Variants in GABPB1 observed in about 807,000 individuals in gnomAD.
GABPB1 encodes the protein GA binding protein transcription factor subunit beta 1.
Under a neutral mutation model 45.9 loss-of-function variants are expected in GABPB1, and 15 were observed. The ratio of observed to expected loss-of-function variants is 0.33; its 90% CI spans 0.22 to 0.50. The LOEUF is 0.50. Ranked by LOEUF, GABPB1 falls within the 20% of genes least tolerant of loss-of-function variation. The pLI is 0.98. For synonymous variants in GABPB1, 143 were observed against 154.4 expected, an observed-to-expected ratio of 0.93 and a Z score of 0.55; for missense variants, 252 against 457.5, an observed-to-expected ratio of 0.55 and a Z score of 4.10.
chr15:50,346,922 T>TG (rs2048610591), intron 1 of GABPB1, among the ~76,000 whole-genome samples: 1 of 151,688 alleles, frequency 6.6e-6, no homozygotes, highest in African/African-American at 2.4e-5. Flanking sequence ...CCTGAGTAGC[T>TG]GGGATTACAG....
At chr15:50,321,066 C>A (rs867890544) in intron 1 of GABPB1, among the ~76,000 whole-genome samples, 2 of 152,026 alleles carry the variant, frequency 1.3e-5, no homozygotes, top group African/African-American at 4.8e-5. Context: ...AATTATTACA[C>A]GATAGGAATA....
Position 50,275,556 on chromosome 15 carries a change from T to C in GABPB1, c.*3076A>G, listed in dbSNP as rs1292097455. 6.6e-6 allele frequency: 1 copy of C among 152,206 alleles called. No individual in the cohort carries two copies. The highest frequency in any genetic ancestry group is 1.5e-5 in the Non-Finnish European group (1 of 68,028). The allele number at this position is 152,206 out of a possible 1,614,324, so 9.4% of individuals were successfully genotyped here. ...CAAACAATCATAAATCAAAGCATCA[T>C]AAATTGGGGACCATCTGTGTAGCTT... On this transcript the variant is annotated 3_prime_UTR_variant, in exon 9 of 9. Transcript: ENST00000380877.
intron 1 of GABPB1, among the ~76,000 whole-genome samples, chr15:50,315,111 G>T (rs2047270584): frequency 6.6e-6 from 1 of 152,054 alleles, no homozygotes; most frequent in Admixed American, 6.6e-5. Flanking sequence ...AAATTATGCA[G>T]ATCAGTAACA....
chr15:50,286,363 GC>G (rs998469933), intron 7 of GABPB1, among the ~76,000 whole-genome samples, 180 bp from the exon 8 acceptor site: 6 of 151,174 alleles, frequency 4.0e-5, no homozygotes, highest in African/African-American at 1.5e-4. Flanking sequence ...TTACCTTCTT[GC>G]TTTTTTACTG....
intron 1 of GABPB1, among the ~76,000 whole-genome samples, chr15:50,314,875 C>T (rs2047261030): frequency 6.6e-6 from 1 of 152,198 alleles, no homozygotes; most frequent in South Asian, 2.1e-4. Context: ...TTTTGGAAAT[C>T]ATGTCAATGC....
chr15:50,285,194 T>C (rs1346252910), intron 8 of GABPB1, among the ~76,000 whole-genome samples: 2 of 152,166 alleles, frequency 1.3e-5, no homozygotes, highest in Non-Finnish European at 2.9e-5. Context: ...GATATAAATA[T>C]TGTATGACTA....
At chr15:50,310,255 G>C (rs1456012879) in intron 1 of GABPB1, among the ~76,000 whole-genome samples, 2 of 152,108 alleles carry the variant, frequency 1.3e-5, no homozygotes, top group African/African-American at 2.4e-5. Flanking sequence ...ACCACACCCA[G>C]CTAATTTTTC....
chr15:50,329,400 CTA>C (rs1367711799), intron 1 of GABPB1, among the ~76,000 whole-genome samples: 1 of 152,138 alleles, frequency 6.6e-6, no homozygotes, highest in Non-Finnish European at 1.5e-5. Context: ...ACTTGTATCT[CTA>C]TTGATTCGTA....
intron 6 of GABPB1, among the ~76,000 whole-genome samples, chr15:50,296,890 A>C (rs1399733272): frequency 6.6e-6 from 1 of 151,052 alleles, no homozygotes; most frequent in Non-Finnish European, 1.5e-5. Context: ...AACATACTTA[A>C]ACTTTAACTT....
At chr15:50,336,080 G>A (rs926131420) in intron 1 of GABPB1, among the ~76,000 whole-genome samples, 1 of 151,900 alleles carries the variant, frequency 6.6e-6, no homozygotes, top group Non-Finnish European at 1.5e-5. Context: ...GCTTGGCATG[G>A]TGGCTCACGC....
chr15:50,316,865 G>A (rs2047349307), intron 1 of GABPB1, among the ~76,000 whole-genome samples: 1 of 151,884 alleles, frequency 6.6e-6, no homozygotes, highest in Non-Finnish European at 1.5e-5. Context: ...CTCCCACATA[G>A]CCATTTAGTT....
intron 8 of GABPB1, among the ~76,000 whole-genome samples, chr15:50,284,850 T>A (rs1312376624): frequency 6.6e-6 from 1 of 151,998 alleles, no homozygotes; most frequent in Non-Finnish European, 1.5e-5. Context: ...AATGGAAAAA[T>A]TGTTAGTTTG....
chr15:50,340,516 A>AT (rs2048314148), intron 1 of GABPB1, among the ~76,000 whole-genome samples: 1 of 144,214 alleles, frequency 6.9e-6, no homozygotes, highest in South Asian at 2.2e-4. Context: ...TACTAGTTTC[A>AT]TGAGTATCCT....
At chr15:50,286,540 TA>T (rs2046162559) in intron 7 of GABPB1, among the ~76,000 whole-genome samples, 1 of 152,184 alleles carries the variant, frequency 6.6e-6, no homozygotes, top group Admixed American at 6.5e-5. Flanking sequence ...ATTATCCTTA[TA>T]TTAATTTGTT....
chr15:50,329,015 G>A (rs2047865321), intron 1 of GABPB1, among the ~76,000 whole-genome samples: 2 of 152,050 alleles, frequency 1.3e-5, no homozygotes, highest in South Asian at 2.1e-4. Context: ...TTCTTCTGAT[G>A]TTCAAATTGT....
At chr15:50,327,872 C>G (rs1429646926) in intron 1 of GABPB1, among the ~76,000 whole-genome samples, 3 of 151,910 alleles carry the variant, frequency 2.0e-5, no homozygotes, top group Non-Finnish European at 4.4e-5. Flanking sequence ...ATACTCCAGT[C>G]TGGCAACAGA....
At chr15:50,303,742 C>T (rs2056762264) in intron 3 of GABPB1, among the ~76,000 whole-genome samples, 4 of 150,988 alleles carry the variant, frequency 2.6e-5, no homozygotes, top group Non-Finnish European at 4.4e-5. Context: ...GACCAAGGTC[C>T]AAGAAATCAA....
intron 1 of GABPB1, among the ~76,000 whole-genome samples, chr15:50,345,110 G>A (rs2048516256): frequency 6.6e-6 from 1 of 152,090 alleles, no homozygotes; most frequent in Admixed American, 6.6e-5. Context: ...GACTAACAGT[G>A]CTAAGAGGCT....
In GABPB1 at chr15:50,278,638, A is replaced by G. The variant is rs755283555; in HGVS notation, c.1146T>C (p.Ala382=). 4 of 1,608,600 alleles carry G rather than the reference A, an allele frequency of 2.5e-6. No homozygotes were observed. In the African/African-American group the frequency reaches 5.4e-5, roughly 22 times the overall value. ...AACTACATGTTCATTTCAATTAAAC[A>G]GCTTCTTTATTAGTCTGAAGACGAG... is the stretch of plus-strand genomic sequence containing the variant. ...AMTRLQTNKE[A]V The change falls in exon 9 of 9, where the codon GCT becomes GCC. Residue 382 remains alanine, a synonymous_variant. Transcript: ENST00000380877.
Sources: gnomAD v4.1 joint callset for allele counts (sites outside exome capture counted in the v4.1 genomes callset) on GRCh38, gnomAD v4.1.1 for gene constraint, MANE v1.5 for transcripts, NCBI Gene and HGNC (gene_info 2026-07-23, HGNC 2026-07-21) for gene names.